The following CFAP299 variants were observed in gnomAD, a reference collection of about 807,000 sequenced individuals.
The protein encoded by CFAP299 is cilia and flagella associated protein 299, also known as cilia- and flagella-associated protein 299.
CFAP299 carries 21 observed loss-of-function variants against 27.0 expected under a neutral mutation model. That is an observed-to-expected ratio of 0.78 (90% CI 0.55 to 1.12). The LOEUF is 1.12. CFAP299 is among the 50% of genes most tolerant of loss of function. The pLI is 0.00. For synonymous variants in CFAP299, 104 were observed against 98.1 expected (o/e 1.06, Z -0.36); for missense variants, 310 against 276.6 (o/e 1.12, Z -0.86).
chr4:80,610,739 C>T (rs944197716), intron 3 of CFAP299, among the ~76,000 whole-genome samples: 1 of 151,984 alleles, frequency 6.6e-6, no homozygotes, highest in Admixed American at 6.6e-5. Flanking sequence ...GCAAACCCAT[C>T]GATTCTATTC....
At chr4:80,549,558 A>G (rs1037688719) in intron 2 of CFAP299, among the ~76,000 whole-genome samples, 5 of 152,184 alleles carry the variant, frequency 3.3e-5, no homozygotes, top group African/African-American at 1.2e-4. Flanking sequence ...GAGCGTCTTC[A>G]CTATAAAACA....
chr4:80,777,990 A>G (rs536676781), intron 3 of CFAP299, among the ~76,000 whole-genome samples: 13 of 152,300 alleles, frequency 8.5e-5, no homozygotes, highest in African/African-American at 3.1e-4. Flanking sequence ...CAATTTTTAA[A>G]AAGAGAAAAA....
intron 4 of CFAP299, among the ~76,000 whole-genome samples, chr4:80,905,289 A>G (rs1305022931): frequency 6.6e-6 from 1 of 152,202 alleles, no homozygotes; most frequent in Non-Finnish European, 1.5e-5. Context: ...ATATGTTTGA[A>G]TCTGGTCCAC....
At chr4:80,625,464 GAC>G (rs1738839938) in intron 3 of CFAP299, among the ~76,000 whole-genome samples, 2 of 151,884 alleles carry the variant, frequency 1.3e-5, no homozygotes, top group Non-Finnish European at 2.9e-5. Context: ...AAGAGAAAGA[GAC>G]AGAAGATCTA....
At chr4:80,482,679 T>C (rs991847394) in intron 2 of CFAP299, among the ~76,000 whole-genome samples, 1 of 152,180 alleles carries the variant, frequency 6.6e-6, no homozygotes, top group East Asian at 1.9e-4. Context: ...CTCATGCTCT[T>C]ACCTAATTTA....
intron 2 of CFAP299, among the ~76,000 whole-genome samples, chr4:80,400,289 G>A (rs186999791): frequency 4.6e-5 from 7 of 152,052 alleles, no homozygotes; most frequent in East Asian, 1.9e-4. Context: ...CTTGTTTAAC[G>A]CTCACAACTA....
At chr4:80,537,422 T>A (rs1184368111) in intron 2 of CFAP299, among the ~76,000 whole-genome samples, 1 of 152,150 alleles carries the variant, frequency 6.6e-6, no homozygotes, top group Non-Finnish European at 1.5e-5. Context: ...ATAGCCAAGC[T>A]GTGGAATCAA....
chr4:80,845,074 G>A (rs1293293662), intron 3 of CFAP299, among the ~76,000 whole-genome samples: 3 of 152,100 alleles, frequency 2.0e-5, no homozygotes, highest in Admixed American at 6.6e-5. Flanking sequence ...TAGATATGTG[G>A]CATTATTTCT....
intron 3 of CFAP299, among the ~76,000 whole-genome samples, chr4:80,687,271 C>A (rs1446529105): frequency 6.6e-6 from 1 of 152,124 alleles, no homozygotes; most frequent in African/African-American, 2.4e-5. Context: ...CGTGTCACAC[C>A]CCAGCTCTAC....
chr4:80,951,296 A>C (rs75827352), intron 5 of CFAP299, among the ~76,000 whole-genome samples: 201 of 152,296 alleles, frequency 1.3e-3, no homozygotes, highest in African/African-American at 4.5e-3. Flanking sequence ...ATTATAGAAT[A>C]AAACTTTCTG....
chr4:80,578,315 A>G (rs1326011662), intron 2 of CFAP299, among the ~76,000 whole-genome samples: 1 of 152,088 alleles, frequency 6.6e-6, no homozygotes, highest in Non-Finnish European at 1.5e-5. Flanking sequence ...CTTACCTCAC[A>G]CTCTGCATTA....
intron 2 of CFAP299, among the ~76,000 whole-genome samples, chr4:80,535,213 T>A (rs1733666448): frequency 6.6e-6 from 1 of 152,106 alleles, no homozygotes; most frequent in Non-Finnish European, 1.5e-5. Flanking sequence ...GATAGGAAGT[T>A]ACACAGAATG....
At chr4:80,461,861 A>AAAGACC (rs1729455478) in intron 2 of CFAP299, among the ~76,000 whole-genome samples, 1 of 152,180 alleles carries the variant, frequency 6.6e-6, no homozygotes, top group South Asian at 2.1e-4. Context: ...ATATCACAGA[A>AAAGACC]TTAGAAAAGA....
chr4:80,922,322 C>T (rs927004896), intron 4 of CFAP299, among the ~76,000 whole-genome samples: 1 of 151,886 alleles, frequency 6.6e-6, no homozygotes, highest in African/African-American at 2.4e-5. Context: ...GGGAGATAAG[C>T]TTTTACTTGC....
rs1458563898 is a variant in CFAP299 at position 80,473,766 on chromosome 4, AT to A, written c.243-109321del. 5.3e-5 allele frequency among the ~76,000 whole-genome samples: 8 copies of A among 151,920 alleles called. 1 individual carries two copies. The highest frequency in any genetic ancestry group is 3.4e-3 in the Middle Eastern group (1 of 294). On this transcript the variant is annotated intron_variant, in intron 2 of 5. Coordinates refer to ENST00000358105, the MANE Select transcript of CFAP299 (RefSeq NM_152770.3). ...TTTTGTTTGTTTGTTTGTTTTTTAA[AT>A]TTTTTGTAGAGACAGGATCTCACTG... is the stretch of plus-strand genomic sequence containing the variant.
intron 1 of CFAP299, among the ~76,000 whole-genome samples, chr4:80,361,498 A>T (rs1039218365): frequency 6.6e-6 from 1 of 152,190 alleles, no homozygotes; most frequent in East Asian, 1.9e-4. Flanking sequence ...TTAAAGATTA[A>T]TTCCACTAGG....
intron 3 of CFAP299, among the ~76,000 whole-genome samples, chr4:80,826,278 A>T (rs1729980363): frequency 1.3e-5 from 2 of 151,790 alleles, no homozygotes; most frequent in Non-Finnish European, 3.0e-5. Context: ...TAGAAAAAAA[A>T]CAGAAGACAG....
intron 3 of CFAP299, among the ~76,000 whole-genome samples, chr4:80,761,062 T>C (rs1725520344): frequency 6.6e-6 from 1 of 152,202 alleles, no homozygotes; most frequent in African/African-American, 2.4e-5. Context: ...ATTTAAATTT[T>C]TCCTGCTCCA....
intron 4 of CFAP299, among the ~76,000 whole-genome samples, chr4:80,883,080 A>ATCTG (rs1309260210): frequency 2.6e-5 from 4 of 152,068 alleles, no homozygotes; most frequent in South Asian, 2.1e-4. Flanking sequence ...GCATAACAAT[A>ATCTG]TAACTACAAT....
Sources: gnomAD v4.1 joint callset for allele counts (sites outside exome capture counted in the v4.1 genomes callset) on GRCh38, gnomAD v4.1.1 for gene constraint, MANE v1.5 for transcripts, NCBI Gene and HGNC (gene_info 2026-07-23, HGNC 2026-07-21) for gene names.